The following KDM2B variants were observed in gnomAD, a reference collection of about 807,000 sequenced individuals.
KDM2B encodes lysine demethylase 2B, also known as lysine-specific demethylase 2B.
In KDM2B, 26 loss-of-function variants were observed where a neutral mutation model predicts 150.0. The ratio of observed to expected loss-of-function variants is 0.17; its 90% confidence interval spans 0.13 to 0.24. The LOEUF (loss-of-function observed/expected upper bound fraction) is 0.24. KDM2B is among the 10% of genes least tolerant of loss of function. KDM2B has a pLI of 1.00. For missense variants in KDM2B, 1,265 were observed against 1,816.9 expected, an observed-to-expected ratio of 0.70 and a Z score of 5.52; for synonymous variants, 734 against 729.5, an observed-to-expected ratio of 1.01 and a Z score of -0.10.
At chr12:121,491,139 C>T (rs1217393955) in intron 12 of KDM2B, among the ~76,000 whole-genome samples, 1 of 152,206 alleles carries the variant, frequency 6.6e-6, no homozygotes, top group Non-Finnish European at 1.5e-5. Flanking sequence ...CCCCACTCTC[C>T]CCGCCACATA....
chr12:121,432,474 A>C (rs1873220279), intron 22 of KDM2B, among the ~76,000 whole-genome samples: 1 of 152,178 alleles, frequency 6.6e-6, no homozygotes, highest in Non-Finnish European at 1.5e-5. Flanking sequence ...TCCTGGTCTC[A>C]AGTGATCCTC....
At chr12:121,416,180 G>A in the KDM2B span, 2 of 1,613,952 alleles carry the variant, frequency 1.2e-6, no homozygotes, top group Non-Finnish European at 1.7e-6. Context: ...GTCTATGTGG[G>A]CTTCGTGCTG....
intron 22 of KDM2B, among the ~76,000 whole-genome samples, chr12:121,432,340 C>T (rs1371186561): frequency 1.3e-5 from 2 of 152,172 alleles, no homozygotes; most frequent in East Asian, 3.8e-4. Context: ...AACTCATGAT[C>T]CCCAAAACTC....
At chr12:121,444,757 G>A in intron 14 of KDM2B, 1 of 586,588 alleles carries the variant, frequency 1.7e-6, no homozygotes, top group Non-Finnish European at 3.1e-6. Context: ...TTGCTTCTCT[G>A]GGACCCTGGG....
chr12:121,422,335 T>C, the KDM2B span, among the ~76,000 whole-genome samples: 3 of 152,228 alleles, frequency 2.0e-5, no homozygotes, highest in South Asian at 4.1e-4. Context: ...TGTTCCCATA[T>C]CCCTGACAAG....
At chr12:121,463,937 A>AG (rs1438193492) in intron 12 of KDM2B, among the ~76,000 whole-genome samples, 23 of 152,302 alleles carry the variant, frequency 1.5e-4, no homozygotes, top group Admixed American at 5.9e-4. Flanking sequence ...GAGAAAAAAA[A>AG]AAACTGGCCA....
rs782099009 is a variant in KDM2B, at chr12:121,442,762, G to A, written c.2679C>T (p.Pro893=). 8 of 1,548,810 alleles carry A rather than the reference G, an allele frequency of 5.2e-6. No homozygotes were observed. Among genetic ancestry groups the A allele is most frequent in the African/African-American group, 1.4e-5 (1 of 72,182 alleles). ...NKPLRRFKQE[P]EDELPEAPPK... is the part of the protein sequence containing the mutation. ...GGGGCGCCTCGGGCAGTTCGTCCTC[G>A]GGTTCCTGCTTGAAGCGCCGGAGGG... The change falls in exon 19 of 23, where the codon CCC becomes CCT. Residue 893 remains proline, a synonymous_variant. Transcript: ENST00000377071. This position sits in a 1 kb window ranked among gnomAD's most constrained non-coding sequence, Gnocchi z 7.7.
intron 22 of KDM2B, among the ~76,000 whole-genome samples, chr12:121,435,983 A>G (rs61955131): frequency 0.34 from 52,285 of 152,062 alleles, 9,722 homozygotes; most frequent in East Asian, 0.44. Context: ...GGCCACTGAC[A>G]GCATTTGAAG....
rs782007179 is a variant in KDM2B at position 121,441,219 on chromosome 12, C to T, written c.3299G>A (p.Arg1100Gln). 18 of 1,613,802 alleles carry T rather than the reference C, an allele frequency of 1.1e-5. No individual in the cohort carries two copies. The highest frequency in any genetic ancestry group is 4.5e-5 in the East Asian group (2 of 44,902). Residue 1100 changes from arginine (R) to glutamine (Q), a missense_variant, in exon 20 of 23, where the codon CGG (arginine) becomes CAG (glutamine). By Grantham distance (43) the Arg-to-Gln change is conservative (BLOSUM62 1). This residue lies in a region of KDM2B where 251 missense variants were observed against 397.8 expected (regional missense o/e 0.63). Coordinates refer to ENST00000377071, the MANE Select transcript of KDM2B (RefSeq NM_032590.5). ...RTWNRWCCDK[R>Q]LWTRIDLNHC... ...GTTCAGGTCAATGCGGGTCCACAACCGCTTATCGCAGCACCTGGGGACCGG... is the reference window on the plus strand; with the variant it reads ...GTTCAGGTCAATGCGGGTCCACAACTGCTTATCGCAGCACCTGGGGACCGG...
intron 12 of KDM2B, among the ~76,000 whole-genome samples, chr12:121,464,434 C>A (rs1879555823): frequency 1.3e-5 from 2 of 152,254 alleles, no homozygotes; most frequent in African/African-American, 4.8e-5. Flanking sequence ...GGCTCGCTCA[C>A]CGCGGGCCCA....
chr12:121,554,232 T>C (rs1240234228), intron 4 of KDM2B, among the ~76,000 whole-genome samples: 1 of 151,192 alleles, frequency 6.6e-6, no homozygotes, highest in African/African-American at 2.4e-5. Flanking sequence ...AGCCAGATCC[T>C]GTCTCAAAAA....
At chr12:121,517,005 C>CTGGGAAGG (rs1202239200) in intron 9 of KDM2B, 1 of 583,454 alleles carries the variant, frequency 1.7e-6, no homozygotes, top group Non-Finnish European at 3.0e-6. Context: ...ATTACCTTTT[C>CTGGGAAGG]TGGGAAGGCT....
At chr12:121,433,034 A>G (rs1593704372) in intron 22 of KDM2B, 2 of 424,578 alleles carry the variant, frequency 4.7e-6, no homozygotes, top group East Asian at 1.4e-4. Flanking sequence ...GTGGTAAGGC[A>G]GCACTTGGTG....
chr12:121,468,955 G>A lies in KDM2B; in HGVS notation c.1735-15611C>T, dbSNP rs1371634597. 6.6e-6 allele frequency: 1 copy of A among 152,130 alleles called. No homozygotes were observed. The highest frequency in any genetic ancestry group is 1.5e-5 in the Non-Finnish European group (1 of 68,054). The allele number at this position is 152,130 out of a possible 1,614,324, so 9.4% of individuals were successfully genotyped here. On this transcript the variant is annotated intron_variant, in intron 12 of 22. Coordinates refer to ENST00000377071, the MANE Select transcript of KDM2B (RefSeq NM_032590.5). This position sits in a 1 kb window ranked among gnomAD's most constrained non-coding sequence, Gnocchi z 4.0. Reference sequence around the variant, plus strand: ...ACTCTGTCGCCCAGGCTGGAGTGCAGTGGATCTCGGCTCACTGCAACCTCC... The same window carrying A: ...ACTCTGTCGCCCAGGCTGGAGTGCAATGGATCTCGGCTCACTGCAACCTCC...
At chr12:121,495,001 T>TTTC (rs1883767581) in intron 11 of KDM2B, among the ~76,000 whole-genome samples, 1 of 142,396 alleles carries the variant, frequency 7.0e-6, no homozygotes, top group Non-Finnish European at 1.5e-5. Context: ...AACTTTTTCT[T>TTTC]TTTTTTTTTT....
the KDM2B span, chr12:121,417,887 A>G: frequency 1.2e-6 from 2 of 1,614,070 alleles, no homozygotes; most frequent in Non-Finnish European, 1.7e-6. This position sits in a 1 kb window ranked among gnomAD's most constrained non-coding sequence, Gnocchi z 5.0. Flanking sequence ...GAGACCAAAC[A>G]TCCAGATCTG....
chr12:121,479,940 C>T (rs1221146390), intron 12 of KDM2B, among the ~76,000 whole-genome samples: 1 of 151,960 alleles, frequency 6.6e-6, no homozygotes, highest in Non-Finnish European at 1.5e-5. Context: ...TTTAAAGAGA[C>T]AGGGTCTTGC....
At chr12:121,443,064 C>T (rs1464100754) in intron 17 of KDM2B, 34 bp from the exon 18 acceptor site, 3 of 1,591,488 alleles carry the variant, frequency 1.9e-6, no homozygotes, top group Non-Finnish European at 2.6e-6. Flanking sequence ...AGAGCTTGCT[C>T]CCCGGGCTCG....
At chr12:121,563,319 AAAG>A (rs1191295666) in intron 4 of KDM2B, among the ~76,000 whole-genome samples, 1 of 152,136 alleles carries the variant, frequency 6.6e-6, no homozygotes, top group East Asian at 1.9e-4. Context: ...AAAAACAAAA[AAAG>A]AAGGCCGGGC....
Sources: gnomAD v4.1 joint callset for allele counts (sites outside exome capture counted in the v4.1 genomes callset) on GRCh38, gnomAD v4.1.1 for gene constraint, gnomAD v4.1.1 regional missense constraint, Gnocchi (gnomAD v3.1) non-coding constraint, MANE v1.5 for transcripts, NCBI Gene and HGNC (gene_info 2026-07-23, HGNC 2026-07-21) for gene names.